KIAA0825: variants seen among roughly 807,000 people sequenced by gnomAD.
The protein encoded by KIAA0825 is uncharacterized protein KIAA0825.
KIAA0825 carries 119 observed loss-of-function variants against 147.6 expected under a neutral mutation model. The observed-to-expected ratio is 0.81, with a 90% confidence interval of 0.69 to 0.94. The LOEUF is 0.94. Among genes scored for constraint, KIAA0825 ranks in the 40% least tolerant of loss-of-function variants. The pLI is 0.00. For synonymous variants in KIAA0825, 470 were observed against 518.1 expected, an observed-to-expected ratio of 0.91 and a Z score of 1.26; for missense variants, 1,381 against 1,472.7, an observed-to-expected ratio of 0.94 and a Z score of 1.02.
chr5:94,505,592 A>G (rs1320182457), intron 5 of KIAA0825, among the ~76,000 whole-genome samples: 3 of 152,204 alleles, frequency 2.0e-5, no homozygotes, highest in Admixed American at 6.5e-5. Context: ...AAAGCTAATT[A>G]CATTCAGATT....
chr5:94,227,313 C>T (rs950528962), intron 20 of KIAA0825, among the ~76,000 whole-genome samples: 24 of 151,446 alleles, frequency 1.6e-4, no homozygotes, highest in East Asian at 1.2e-3. Flanking sequence ...AACCAAACAC[C>T]GCATATTCTC....
intron 5 of KIAA0825, among the ~76,000 whole-genome samples, chr5:94,512,376 ATATT>A (rs1242661401): frequency 2.0e-5 from 3 of 152,166 alleles, no homozygotes; most frequent in Admixed American, 6.5e-5. Flanking sequence ...AAATGACTAT[ATATT>A]AAGCAAAAAT....
chr5:94,447,815 C>G (rs1385392500), intron 13 of KIAA0825, among the ~76,000 whole-genome samples: 2 of 151,810 alleles, frequency 1.3e-5, no homozygotes, highest in East Asian at 3.9e-4. Flanking sequence ...AAACAAAAAG[C>G]CCAGTGGAAA....
intron 12 of KIAA0825, among the ~76,000 whole-genome samples, chr5:94,460,582 A>G (rs1216016299): frequency 1.3e-5 from 2 of 152,108 alleles, no homozygotes; most frequent in Non-Finnish European, 2.9e-5. Context: ...GCTACTTTTC[A>G]CCAATTCCTC....
At chr5:94,327,055 C>T (rs1342780519) in intron 20 of KIAA0825, among the ~76,000 whole-genome samples, 1 of 152,184 alleles carries the variant, frequency 6.6e-6, no homozygotes, top group Non-Finnish European at 1.5e-5. Context: ...TATATAGAAG[C>T]TGAACGCTGG....
At chr5:94,187,392 A>G (rs1383620557) in intron 20 of KIAA0825, among the ~76,000 whole-genome samples, 2 of 143,304 alleles carry the variant, frequency 1.4e-5, no homozygotes, top group African/African-American at 5.1e-5. Context: ...CAGAAATCTG[A>G]GAGAAAGGAG....
At chr5:94,223,171 C>G (rs1276026163) in intron 20 of KIAA0825, among the ~76,000 whole-genome samples, 2 of 152,130 alleles carry the variant, frequency 1.3e-5, no homozygotes, top group African/African-American at 2.4e-5. Context: ...GTTGCTGTTG[C>G]TTTTAACTTT....
intron 20 of KIAA0825, among the ~76,000 whole-genome samples, chr5:94,359,392 T>G (rs144631097): frequency 1.5e-3 from 223 of 152,316 alleles, no homozygotes; most frequent in African/African-American, 5.1e-3. Flanking sequence ...CAAAAGTGAT[T>G]TCTCAAATTA....
At chr5:94,504,600 T>C (rs1341373407) in intron 5 of KIAA0825, among the ~76,000 whole-genome samples, 2 of 152,170 alleles carry the variant, frequency 1.3e-5, no homozygotes, top group Non-Finnish European at 2.9e-5. Flanking sequence ...GTGTGTAAAT[T>C]CTAGCTATTG....
intron 14 of KIAA0825, among the ~76,000 whole-genome samples, chr5:94,432,399 C>T (rs1229236335): frequency 6.6e-6 from 1 of 152,250 alleles, no homozygotes; most frequent in African/African-American, 2.4e-5. Context: ...CACTACCTCC[C>T]CTAGAAGCAC....
intron 2 of KIAA0825, among the ~76,000 whole-genome samples, chr5:94,558,192 A>G (rs1776914485): frequency 6.6e-6 from 1 of 152,218 alleles, no homozygotes; most frequent in African/African-American, 2.4e-5. Context: ...ACCCCAGGTC[A>G]GAGAACATGA....
At chr5:94,484,996 T>C (rs1271511967) in intron 5 of KIAA0825, 66 bp from the exon 6 acceptor site, 2 of 1,110,900 alleles carry the variant, frequency 1.8e-6, no homozygotes, top group Non-Finnish European at 2.4e-6. Context: ...ATTAGAATGA[T>C]CTGTGTGATT....
intron 2 of KIAA0825, among the ~76,000 whole-genome samples, chr5:94,572,100 T>C (rs1306491397): frequency 7.3e-6 from 1 of 136,250 alleles, no homozygotes; most frequent in South Asian, 2.3e-4. Flanking sequence ...CTCTATCTCT[T>C]AAAAAAAAAA....
intron 2 of KIAA0825, among the ~76,000 whole-genome samples, chr5:94,560,624 A>G (rs1457610721): frequency 6.6e-6 from 1 of 152,240 alleles, no homozygotes; most frequent in East Asian, 1.9e-4. Flanking sequence ...TTCAGTCATA[A>G]TAGAAAATGT....
chr5:94,524,204 C>G, intron 3 of KIAA0825, 106 bp from the exon 4 acceptor site: 2 of 548,504 alleles, frequency 3.6e-6, no homozygotes, highest in Non-Finnish European at 6.0e-6. Context: ...TGGCTTTGTA[C>G]AATTTACAAA....
At position 94,535,307 on chromosome 5, in the gene KIAA0825, C is replaced by T. The variant is rs6885606; in HGVS notation, c.131+1689G>A. 4.0e-3 allele frequency among the ~76,000 whole-genome samples: 605 copies of T among 151,762 alleles called. 4 individuals carry two copies. Among genetic ancestry groups the T allele is most frequent in the African/African-American group, 0.014 (561 of 41,426 alleles). On this transcript the variant is annotated intron_variant, in intron 3 of 20. Transcript: ENST00000682413. ...GGTGGATCACCTGAGGTCAGGAGTT[C>T]GAGACTAGCCTGGCCAATGTCGTGA...
intron 20 of KIAA0825, among the ~76,000 whole-genome samples, chr5:94,354,023 C>T (rs1783985819): frequency 6.6e-6 from 1 of 152,120 alleles, no homozygotes; most frequent in African/African-American, 2.4e-5. Flanking sequence ...AGCAAATTCT[C>T]AGTGTACAAT....
intron 1 of KIAA0825, among the ~76,000 whole-genome samples, chr5:94,586,847 A>ATCAAGTCACCT (rs1344050197): frequency 6.6e-6 from 1 of 152,184 alleles, no homozygotes; most frequent in Non-Finnish European, 1.5e-5. Context: ...ATCCAACATG[A>ATCAAGTCACCT]TCAAGTCACC....
intron 20 of KIAA0825, among the ~76,000 whole-genome samples, chr5:94,154,679 G>C (rs1013582558): frequency 6.6e-6 from 1 of 152,100 alleles, no homozygotes; most frequent in Non-Finnish European, 1.5e-5. Context: ...AGGTTCCAAA[G>C]AACATTTACT....
Sources: gnomAD v4.1 joint callset for allele counts (sites outside exome capture counted in the v4.1 genomes callset) on GRCh38, gnomAD v4.1.1 for gene constraint, MANE v1.5 for transcripts, NCBI Gene and HGNC (gene_info 2026-07-23, HGNC 2026-07-21) for gene names.